LIN7A: variants seen among roughly 807,000 people sequenced by gnomAD.
The protein encoded by LIN7A is lin-7 cell polarity scaffold A.
A neutral mutation model predicts 29.8 loss-of-function variants in LIN7A; 25 were observed. The ratio of observed to expected loss-of-function variants is 0.84; its 90% CI spans 0.61 to 1.17. The LOEUF (loss-of-function observed/expected upper bound fraction) is 1.17. Ranked by LOEUF, LIN7A falls within the 50% of genes most tolerant of loss-of-function variation. The probability of loss-of-function intolerance (pLI) is 0.00; values close to 1 mark genes in which losing one functional copy is unlikely to be tolerated. For missense variants in LIN7A, 239 were observed against 287.0 expected, an observed-to-expected ratio of 0.83 and a Z score of 1.21; for synonymous variants, 118 against 107.5, an observed-to-expected ratio of 1.10 and a Z score of -0.60.
chr12:80,895,875 C>T (rs956484825), intron 1 of LIN7A, among the ~76,000 whole-genome samples: 4 of 152,150 alleles, frequency 2.6e-5, no homozygotes, highest in African/African-American at 9.7e-5. Flanking sequence ...GGACACAGGC[C>T]TAATGTCCTC....
At position 80,816,191 on chromosome 12, in the gene LIN7A, G is replaced by A. The variant is rs374626465; in HGVS notation, c.484-4508C>T. Among the ~76,000 whole-genome samples the A allele has an allele frequency of 3.3e-5, 5 of 152,286 alleles. 1 individual carries two copies. The highest frequency in any genetic ancestry group is 2.1e-4 in the South Asian group (1 of 4,824). On this transcript the variant is annotated intron_variant, in intron 4 of 5. Transcript: ENST00000552864. ...TGAGGCAGGAAGGAAGATTGCCTGA[G>A]CCTAGGAGTTCAAGACCAATCTGAG...
At chr12:80,899,411 A>G (rs1207858038) in intron 1 of LIN7A, among the ~76,000 whole-genome samples, 1 of 152,102 alleles carries the variant, frequency 6.6e-6, no homozygotes, top group Admixed American at 6.6e-5. Flanking sequence ...TTTTGCATTT[A>G]TGTGTATCAA....
chr12:80,929,736 C>G (rs1006431910), intron 1 of LIN7A, among the ~76,000 whole-genome samples: 4 of 152,086 alleles, frequency 2.6e-5, no homozygotes, highest in African/African-American at 9.7e-5. Flanking sequence ...CACACACACA[C>G]ACATTTTATA....
At chr12:80,897,095 CCTT>C (rs1875943358) in intron 1 of LIN7A, among the ~76,000 whole-genome samples, 1 of 148,802 alleles carries the variant, frequency 6.7e-6, no homozygotes, top group Admixed American at 6.7e-5. Flanking sequence ...TTTTTAAAAT[CCTT>C]CTTATTTTCT....
chr12:80,867,762 T>C (rs1874216959), intron 2 of LIN7A, among the ~76,000 whole-genome samples: 1 of 152,182 alleles, frequency 6.6e-6, no homozygotes, highest in Non-Finnish European at 1.5e-5. Context: ...ATTTCAATTG[T>C]TTACTTTAAA....
chr12:80,811,431 A>ATG (rs1267116596), intron 5 of LIN7A, 34 bp downstream of exon 5: 10 of 721,460 alleles, frequency 1.4e-5, no homozygotes, highest in Non-Finnish European at 2.4e-5. Context: ...ATATATATAT[A>ATG]TATACTCCTT....
At chr12:80,803,667 T>C (rs538481556) in intron 5 of LIN7A, among the ~76,000 whole-genome samples, 96 of 152,246 alleles carry the variant, frequency 6.3e-4, no homozygotes, top group African/African-American at 2.3e-3. Flanking sequence ...CTGTGAAAAA[T>C]GACATTGGAA....
At chr12:80,859,577 C>T (rs985003052) in intron 2 of LIN7A, among the ~76,000 whole-genome samples, 4 of 152,058 alleles carry the variant, frequency 2.6e-5, no homozygotes, top group Non-Finnish European at 4.4e-5. Context: ...CTATTTATGT[C>T]ATTTATAAGC....
intron 2 of LIN7A, among the ~76,000 whole-genome samples, chr12:80,866,984 C>G (rs1874174865): frequency 6.6e-6 from 1 of 151,964 alleles, no homozygotes; most frequent in Admixed American, 6.6e-5. Context: ...ATTTTAGAGA[C>G]AGAATCTTGT....
chr12:80,849,562 T>C (rs545964200), intron 2 of LIN7A, among the ~76,000 whole-genome samples: 36 of 152,228 alleles, frequency 2.4e-4, no homozygotes, highest in African/African-American at 7.2e-4. Flanking sequence ...TACCTGACCA[T>C]GTCCCTGCTG....
At chr12:80,868,274 G>A (rs556601927) in intron 2 of LIN7A, among the ~76,000 whole-genome samples, 1 of 152,280 alleles carries the variant, frequency 6.6e-6, no homozygotes, top group African/African-American at 2.4e-5. Flanking sequence ...TCTGGTAAAA[G>A]AGGAAATAAA....
chr12:80,869,149 A>ATAT (rs1565908284), intron 2 of LIN7A, among the ~76,000 whole-genome samples: 92 of 145,458 alleles, frequency 6.3e-4, no homozygotes, highest in African/African-American at 2.3e-3. Flanking sequence ...TAAATAAATA[A>ATAT]ATATATATAT....
intron 2 of LIN7A, among the ~76,000 whole-genome samples, chr12:80,884,990 A>G (rs1290430978): frequency 6.6e-6 from 1 of 152,148 alleles, no homozygotes; most frequent in Non-Finnish European, 1.5e-5. Flanking sequence ...ATGATAGTAC[A>G]TAGATTTTTA....
At chr12:80,905,897 G>A (rs1292237344) in intron 1 of LIN7A, among the ~76,000 whole-genome samples, 2 of 150,806 alleles carry the variant, frequency 1.3e-5, no homozygotes, top group South Asian at 2.1e-4. Context: ...TTATTTTCTT[G>A]GTTGTCTCTG....
intron 1 of LIN7A, 174 bp downstream of exon 1, chr12:80,937,467 G>A (rs1878301442): frequency 4.8e-6 from 2 of 418,628 alleles, no homozygotes; most frequent in Non-Finnish European, 8.4e-6. Context: ...AACGTAGCGG[G>A]GAGAGAAAGG....
At chr12:80,927,902 C>T (rs1877690232) in intron 1 of LIN7A, among the ~76,000 whole-genome samples, 1 of 152,150 alleles carries the variant, frequency 6.6e-6, no homozygotes, top group Admixed American at 6.5e-5. Context: ...GTTCCCCACC[C>T]TGTGTCCATG....
chr12:80,794,208 C>T lies in LIN7A; in HGVS notation c.*3519G>A, dbSNP rs2121457728. 1 of 152,224 alleles carries T rather than the reference C, an allele frequency of 6.6e-6. No homozygotes were observed. Among genetic ancestry groups the T allele is most frequent in the Non-Finnish European group, 1.5e-5 (1 of 67,984 alleles). 9.4% of individuals were successfully genotyped at this position (152,224 alleles called of 1,614,324 possible). A position where few individuals can be genotyped will look rare whatever the true frequency, so the allele number is the denominator to read the frequency against. ...TTCACTGATTCAGCCACTTATTCAT[C>T]CAACAAATACCGAGTGCCTACATTG... is the stretch of plus-strand genomic sequence containing the variant. On this transcript the variant is annotated 3_prime_UTR_variant, in exon 6 of 6. Coordinates refer to ENST00000552864, the MANE Select transcript of LIN7A (RefSeq NM_004664.4).
chr12:80,871,225 T>C (rs1299687615), intron 2 of LIN7A, among the ~76,000 whole-genome samples: 3 of 152,204 alleles, frequency 2.0e-5, no homozygotes, highest in Admixed American at 2.0e-4. Context: ...GTGGTTATTT[T>C]GTTTTAAAAG....
At chr12:80,859,287 T>C (rs1873751403) in intron 2 of LIN7A, among the ~76,000 whole-genome samples, 1 of 152,136 alleles carries the variant, frequency 6.6e-6, no homozygotes, top group Admixed American at 6.5e-5. Context: ...AGGCTCAGGT[T>C]ACAAAAGATA....
Sources: allele counts gnomAD v4.1 joint callset (sites outside exome capture counted in the v4.1 genomes callset), GRCh38; gene constraint gnomAD v4.1.1; transcripts MANE v1.5; gene names NCBI Gene and HGNC (gene_info 2026-07-23, HGNC 2026-07-21).